The following DAB1 variants were observed in gnomAD, a reference collection of about 807,000 sequenced individuals.
The protein encoded by DAB1 is disabled homolog 1.
In DAB1, 15 loss-of-function variants were observed where a neutral mutation model predicts 64.6. The ratio of observed to expected loss-of-function variants is 0.23; its 90% CI spans 0.16 to 0.36. DAB1 has a LOEUF of 0.36. Among genes scored for constraint, DAB1 ranks in the 10% least tolerant of loss-of-function variants. DAB1 has a pLI of 1.00. For missense variants in DAB1, 596 were observed against 706.7 expected, an observed-to-expected ratio of 0.84 and a Z score of 1.78; for synonymous variants, 235 against 251.9, an observed-to-expected ratio of 0.93 and a Z score of 0.64.
At chr1:57,746,593 C>T (rs529425690) in intron 6 of DAB1, among the ~76,000 whole-genome samples, 2 of 152,166 alleles carry the variant, frequency 1.3e-5, no homozygotes, top group African/African-American at 4.8e-5. Context: ...CCCCTAGAAA[C>T]CCCCAAATCT....
Position 57,439,418 on chromosome 1 carries a change from G to GTTTTTTTTTTTTTTTTTTT in DAB1, n.626-148253_626-148252insAAAAAAAAAAAAAAAAAAA. Among the ~76,000 whole-genome samples the GTTTTTTTTTTTTTTTTTTT allele has an allele frequency of 9.6e-4, 112 of 116,106 alleles. 14 individuals are homozygous for GTTTTTTTTTTTTTTTTTTT. The highest frequency in any genetic ancestry group is 2.6e-3 in the African/African-American group (73 of 28,264). 76.2% of individuals were successfully genotyped at this position (116,106 alleles called of 152,430 possible). A position where few individuals can be genotyped will look rare whatever the true frequency, so the allele number is the denominator to read the frequency against. Reference sequence around the variant, plus strand: ...GCCATGCCATCAACTTGGTGATGAGGTTTTTTCTTTTTTTTTTTTTTTTTT... The same window carrying GTTTTTTTTTTTTTTTTTTT: ...GCCATGCCATCAACTTGGTGATGAGGTTTTTTTTTTTTTTTTTTTTTTTTTCTTTTTTTTTTTTTTTTTT... On this transcript the variant is annotated intron_variant and non_coding_transcript_variant, in intron 7 of 20. Coordinates refer to the DAB1 transcript ENST00000485760.
chr1:57,506,895 C>T (rs1433915143), intron 7 of DAB1, among the ~76,000 whole-genome samples: 1 of 152,108 alleles, frequency 6.6e-6, no homozygotes, highest in Admixed American at 6.5e-5. Context: ...TTCTCTGAAC[C>T]CACCATTCCC....
intron 7 of DAB1, among the ~76,000 whole-genome samples, chr1:57,644,378 T>C (rs1220625992): frequency 6.6e-6 from 1 of 152,122 alleles, no homozygotes; most frequent in Non-Finnish European, 1.5e-5. Context: ...TTTTTTGCTG[T>C]ATTACAGAAA....
intron 4 of DAB1, among the ~76,000 whole-genome samples, chr1:58,153,923 C>T (rs923334592): frequency 2.7e-5 from 4 of 150,204 alleles, no homozygotes; most frequent in Non-Finnish European, 3.0e-5. Context: ...GGACTCCCCC[C>T]AAAACTACTG....
chr1:58,184,885 A>C (rs2100210954), intron 4 of DAB1, among the ~76,000 whole-genome samples: 1 of 152,282 alleles, frequency 6.6e-6, no homozygotes, highest in Non-Finnish European at 1.5e-5. Flanking sequence ...AGCTCTTAAA[A>C]GCTCAGGCAT....
At chr1:57,294,800 A>G (rs1235873885) in intron 1 of DAB1, among the ~76,000 whole-genome samples, 1 of 152,192 alleles carries the variant, frequency 6.6e-6, no homozygotes, top group Non-Finnish European at 1.5e-5. Flanking sequence ...AAGTTACAAG[A>G]CACTCGTCTC....
At chr1:57,159,856 C>CAAAAAAAAAAAAAAAAAAAAAA (rs398049302) in intron 2 of DAB1, among the ~76,000 whole-genome samples, 2 of 86,346 alleles carry the variant, frequency 2.3e-5, no homozygotes, top group African/African-American at 8.3e-5. Context: ...AGCAGCAAGA[C>CAAAAAAAAAAAAAAAAAAAAAA]AAAAAAAAAA....
At chr1:58,318,799 G>A (rs1053041146) in intron 4 of DAB1, among the ~76,000 whole-genome samples, 1 of 152,196 alleles carries the variant, frequency 6.6e-6, no homozygotes, top group Non-Finnish European at 1.5e-5. Context: ...TGGAAAGCAG[G>A]AAGAATGCAT....
At chr1:57,428,242 C>G (rs1261179304), upstream of DAB1, among the ~76,000 whole-genome samples, 1 of 152,140 alleles carries the variant, frequency 6.6e-6, no homozygotes, top group Non-Finnish European at 1.5e-5. Context: ...AGTCACCATG[C>G]TATACATTAG....
At chr1:58,504,294 T>A (rs1227673555) in intron 3 of DAB1, among the ~76,000 whole-genome samples, 1 of 152,196 alleles carries the variant, frequency 6.6e-6, no homozygotes, top group Non-Finnish European at 1.5e-5. Context: ...CCCAATGTCT[T>A]CCTTGCTATT....
intron 5 of DAB1, among the ~76,000 whole-genome samples, chr1:58,089,238 T>C (rs186658567): frequency 6.6e-6 from 1 of 152,380 alleles, no homozygotes; most frequent in African/African-American, 2.4e-5. Context: ...AAGACGTTAA[T>C]TTCTCTGAGT....
At chr1:57,310,735 T>C (rs1017213504) in intron 1 of DAB1, among the ~76,000 whole-genome samples, 1 of 152,242 alleles carries the variant, frequency 6.6e-6, no homozygotes, top group Non-Finnish European at 1.5e-5. Context: ...TTCAAAATGC[T>C]ACTGTCATTT....
chr1:57,483,902 T>A (rs573092279), intron 7 of DAB1, among the ~76,000 whole-genome samples: 1 of 152,168 alleles, frequency 6.6e-6, no homozygotes. Flanking sequence ...CCTGCCCTTA[T>A]GCAGCATACT....
intron 5 of DAB1, among the ~76,000 whole-genome samples, chr1:57,938,688 G>A (rs1307302944): frequency 3.9e-5 from 6 of 152,174 alleles, no homozygotes; most frequent in Middle Eastern, 6.8e-3. Context: ...TGTCTTTACA[G>A]CATGTGAAAA....
chr1:57,562,805 T>C (rs1026251634), intron 7 of DAB1, among the ~76,000 whole-genome samples: 2 of 152,152 alleles, frequency 1.3e-5, no homozygotes, highest in African/African-American at 4.8e-5. Context: ...TCCATTAAAC[T>C]GGAAGTTAAG....
chr1:58,410,088 C>G (rs1557752031), intron 3 of DAB1, among the ~76,000 whole-genome samples: 1 of 152,150 alleles, frequency 6.6e-6, no homozygotes, highest in Non-Finnish European at 1.5e-5. Flanking sequence ...CCCAGAATTC[C>G]TTTATCCCAG....
chr1:57,979,507 T>C (rs1646010378), intron 5 of DAB1, among the ~76,000 whole-genome samples: 2 of 152,190 alleles, frequency 1.3e-5, no homozygotes, highest in Non-Finnish European at 2.9e-5. Context: ...GGCATGTGTA[T>C]ACCTACGTAA....
chr1:58,139,413 T>C (rs1458469531), intron 5 of DAB1, among the ~76,000 whole-genome samples: 3 of 152,140 alleles, frequency 2.0e-5, no homozygotes, highest in African/African-American at 7.2e-5. Context: ...ATTACGATCA[T>C]GGCAAAAGGA....
At position 57,986,909 on chromosome 1, in the gene DAB1, C is replaced by T. The variant is rs373327998; in HGVS notation, n.388-102747G>A. Reference sequence around the variant, plus strand: ...TTGTCTTATTTCTCACTAAAATCCACATGAGATAGTTACTATTATTACCCT... The same window carrying T: ...TTGTCTTATTTCTCACTAAAATCCATATGAGATAGTTACTATTATTACCCT... On this transcript the variant is annotated intron_variant and non_coding_transcript_variant, in intron 5 of 20. Coordinates refer to the DAB1 transcript ENST00000485760. 1.3e-3 allele frequency among the ~76,000 whole-genome samples: 201 copies of T among 152,314 alleles called. 8 individuals carry two copies. In the South Asian group the frequency reaches 0.04, roughly 30 times the overall value.
Sources: gnomAD v4.1 joint callset for allele counts (sites outside exome capture counted in the v4.1 genomes callset) on GRCh38, gnomAD v4.1.1 for gene constraint, MANE v1.5 for transcripts, NCBI Gene and HGNC (gene_info 2026-07-23, HGNC 2026-07-21) for gene names.